Variants in CHCHD3 observed in about 807,000 individuals in gnomAD.
CHCHD3 encodes MICOS complex subunit MIC19.
A neutral mutation model predicts 38.2 loss-of-function variants in CHCHD3; 20 were observed. The observed-to-expected ratio is 0.52, with a 90% CI of 0.37 to 0.76. The LOEUF (loss-of-function observed/expected upper bound fraction) is 0.76, where lower values mean the gene tolerates loss of function less well. Among genes scored for constraint, CHCHD3 ranks in the 30% least tolerant of loss-of-function variants. CHCHD3 has a pLI of 0.00. For missense variants in CHCHD3, 245 were observed against 279.2 expected, an observed-to-expected ratio of 0.88 and a Z score of 0.87; for synonymous variants, 82 against 100.0, an observed-to-expected ratio of 0.82 and a Z score of 1.07.
intron 4 of CHCHD3, among the ~76,000 whole-genome samples, chr7:132,930,900 C>A (rs1470089703): frequency 6.6e-6 from 1 of 152,206 alleles, no homozygotes; most frequent in Non-Finnish European, 1.5e-5. Context: ...TCCTCATTCA[C>A]CCCTATGGCC....
chr7:132,810,647 T>C (rs776068901), intron 6 of CHCHD3, among the ~76,000 whole-genome samples: 11 of 152,196 alleles, frequency 7.2e-5, no homozygotes, highest in Non-Finnish European at 1.3e-4. Flanking sequence ...ATCTCAATGA[T>C]TTCTACGTAA....
At chr7:132,810,940 G>A (rs117150423) in intron 6 of CHCHD3, among the ~76,000 whole-genome samples, 1 of 152,162 alleles carries the variant, frequency 6.6e-6, no homozygotes, top group East Asian at 1.9e-4. Flanking sequence ...CAATGTTATG[G>A]CACTTCTTTG....
At chr7:132,981,995 ATT>A (rs1811929413) in intron 3 of CHCHD3, among the ~76,000 whole-genome samples, 1 of 152,232 alleles carries the variant, frequency 6.6e-6, no homozygotes. Context: ...CTAACAATGA[ATT>A]TTATTTTAAC....
intron 3 of CHCHD3, among the ~76,000 whole-genome samples, chr7:132,996,986 A>T (rs1185497082): frequency 6.6e-6 from 1 of 152,250 alleles, no homozygotes; most frequent in Admixed American, 6.5e-5. Flanking sequence ...TATTTCCACG[A>T]TGTTAACAAC....
At chr7:132,865,681 GA>G in intron 5 of CHCHD3, among the ~76,000 whole-genome samples, 1 of 146,666 alleles carries the variant, frequency 6.8e-6, no homozygotes, top group South Asian at 2.1e-4. Context: ...TGTTTTAAAG[GA>G]AGGGGAACCA....
chr7:132,951,334 G>A (rs1470094418), intron 4 of CHCHD3, among the ~76,000 whole-genome samples: 2 of 152,286 alleles, frequency 1.3e-5, no homozygotes, highest in African/African-American at 2.4e-5. Context: ...ACAGGGAGGG[G>A]TGCAAGGAGA....
At chr7:132,791,047 A>C (rs1290815849) in intron 7 of CHCHD3, among the ~76,000 whole-genome samples, 2 of 152,236 alleles carry the variant, frequency 1.3e-5, no homozygotes, top group African/African-American at 2.4e-5. Context: ...AAAGATGGAA[A>C]ACAAGGACTT....
intron 3 of CHCHD3, among the ~76,000 whole-genome samples, chr7:133,019,871 C>T (rs1214092152): frequency 1.3e-5 from 2 of 152,142 alleles, no homozygotes; most frequent in East Asian, 3.9e-4. Flanking sequence ...AGAAGTAAAT[C>T]ATATTTTTAA....
chr7:132,881,144 A>C (rs1238975342), intron 5 of CHCHD3, among the ~76,000 whole-genome samples: 1 of 152,062 alleles, frequency 6.6e-6, no homozygotes, highest in Non-Finnish European at 1.5e-5. Context: ...GCTTTTGAAA[A>C]CTCATTCTAA....
chr7:132,915,184 T>C (rs1296115452), intron 4 of CHCHD3, among the ~76,000 whole-genome samples: 2 of 151,770 alleles, frequency 1.3e-5, no homozygotes, highest in African/African-American at 4.8e-5. Context: ...TGCAATCCTA[T>C]TTACCTCAAC....
chr7:132,950,813 CCATTTGTCTA>C (rs1038646268), intron 4 of CHCHD3, among the ~76,000 whole-genome samples: 3 of 152,108 alleles, frequency 2.0e-5, no homozygotes, highest in Admixed American at 6.6e-5. Flanking sequence ...GGAATGAAAA[CCATTTGTCTA>C]CATTTAAAAT....
chr7:132,984,297 G>A (rs1473600536), intron 3 of CHCHD3, among the ~76,000 whole-genome samples: 8 of 151,800 alleles, frequency 5.3e-5, no homozygotes, highest in Non-Finnish European at 7.4e-5. Flanking sequence ...GCTCCTAACC[G>A]CGAGTGATCC....
chr7:132,833,453 A>G (rs539481702), intron 6 of CHCHD3, among the ~76,000 whole-genome samples: 1 of 152,310 alleles, frequency 6.6e-6, no homozygotes, highest in South Asian at 2.1e-4. Context: ...TAATAACTTG[A>G]TATGCATTGG....
chr7:132,797,216 T>A (rs191356872), intron 6 of CHCHD3, among the ~76,000 whole-genome samples: 1 of 151,962 alleles, frequency 6.6e-6, no homozygotes, highest in Admixed American at 6.6e-5. Flanking sequence ...AGCTGAAGCC[T>A]GGACAAACCC....
In CHCHD3 at chr7:133,035,406, T is replaced by G; in HGVS notation, c.170-10779A>C. The G allele has an allele frequency of 6.2e-7, 1 of 1,613,524 alleles. No individual in the cohort carries two copies. On this transcript the variant is annotated intron_variant, in intron 2 of 7. Coordinates refer to ENST00000262570, the MANE Select transcript of CHCHD3 (RefSeq NM_017812.4). The surrounding 1 kb of genome is among the most constrained non-coding windows in gnomAD (Gnocchi z 4.7). ...GAAAGAAGGCTCTAGAACCTGCTTA[T>G]AGAGCCACAACAGGGTGCAGACAAC...
chr7:133,034,722 C>T (rs1339342609), intron 2 of CHCHD3: 2 of 1,613,314 alleles, frequency 1.2e-6, no homozygotes, highest in African/African-American at 1.3e-5. Context: ...ATCCAGTTTC[C>T]GCCATGTGTA....
intron 3 of CHCHD3, among the ~76,000 whole-genome samples, chr7:132,986,424 G>GA (rs59151340): frequency 5.7e-4 from 75 of 131,276 alleles, no homozygotes; most frequent in Admixed American, 1.7e-3. Context: ...AAAGAAAAAA[G>GA]AAAAAAAAAA....
At chr7:132,843,230 AGGTCTAT>A (rs1807988487) in intron 5 of CHCHD3, among the ~76,000 whole-genome samples, 1 of 151,988 alleles carries the variant, frequency 6.6e-6, no homozygotes, top group Non-Finnish European at 1.5e-5. Flanking sequence ...GCTTGGTTCA[AGGTCTAT>A]GGACCACCTG....
intron 4 of CHCHD3, among the ~76,000 whole-genome samples, chr7:132,899,457 G>A (rs993144873): frequency 9.9e-5 from 15 of 152,186 alleles, no homozygotes; most frequent in African/African-American, 2.7e-4. Context: ...TAAAGGGCAC[G>A]CTCCTATGGC....
Sources: gnomAD v4.1 joint callset for allele counts (sites outside exome capture counted in the v4.1 genomes callset) on GRCh38, gnomAD v4.1.1 for gene constraint, Gnocchi (gnomAD v3.1) non-coding constraint, MANE v1.5 for transcripts, NCBI Gene and HGNC (gene_info 2026-07-23, HGNC 2026-07-21) for gene names.